The following LMNB2 variants were observed in gnomAD, a reference collection of about 807,000 sequenced individuals.
LMNB2 encodes the protein lamin B2.
A neutral mutation model predicts 69.3 loss-of-function variants in LMNB2; 17 were observed. The observed-to-expected ratio is 0.25, with a 90% CI of 0.17 to 0.37. The LOEUF (loss-of-function observed/expected upper bound fraction) is 0.37, where lower values mean the gene tolerates loss of function less well. LMNB2 is among the 10% of genes least tolerant of loss of function. LMNB2 has a pLI of 1.00. For synonymous variants in LMNB2, 397 were observed against 389.3 expected (o/e 1.02, Z -0.23); for missense variants, 789 against 883.6 (o/e 0.89, Z 1.36).
Position 2,431,804 on chromosome 19 carries a change from G to A in LMNB2, c.1689C>T (p.Val563=), listed in dbSNP as rs1366466514. The A allele has an allele frequency of 1.2e-6, 2 of 1,613,870 alleles. No individual in the cohort carries two copies. The highest frequency in any genetic ancestry group is 1.3e-5 in the African/African-American group (1 of 75,038). ...CCACCTCGCCATCCGCGTTAACCAG[G>A]ACGGTGCGGAAGCTCTCGCCCGTGC... ...SWGTGESFRT[V]LVNADGEEVA... is the part of the protein sequence containing the mutation. Residue 563 remains valine, a synonymous_variant, in exon 10 of 12, where the codon GTC becomes GTT. Coordinates refer to ENST00000325327, the MANE Select transcript of LMNB2 (RefSeq NM_032737.4).
intron 2 of LMNB2, among the ~76,000 whole-genome samples, chr19:2,440,421 C>T (rs1971884664): frequency 6.6e-6 from 1 of 152,152 alleles, no homozygotes; most frequent in Admixed American, 6.6e-5. Flanking sequence ...AACTCCCATC[C>T]TCAAGTGATC....
At chr19:2,441,409 G>A (rs1208194103) in intron 2 of LMNB2, among the ~76,000 whole-genome samples, 1 of 152,240 alleles carries the variant, frequency 6.6e-6, no homozygotes, top group Admixed American at 6.5e-5. Flanking sequence ...CCTGTCCGCA[G>A]CCCTCAGGGA....
At chr19:2,456,257 G>A (rs1972086943) in intron 1 of LMNB2, among the ~76,000 whole-genome samples, 1 of 149,474 alleles carries the variant, frequency 6.7e-6, no homozygotes, top group Non-Finnish European at 1.5e-5. Flanking sequence ...GGGCCTAGCC[G>A]AGCAGCACCC....
Position 2,443,545 on chromosome 19 carries a change from T to G in LMNB2, c.401+859A>C, listed in dbSNP as rs763287807. Among the ~76,000 whole-genome samples, 28 of 152,112 alleles carry G rather than the reference T, an allele frequency of 1.8e-4. No individual in the cohort carries two copies. Among genetic ancestry groups the G allele is most frequent in the Non-Finnish European group, 2.8e-4 (19 of 68,022 alleles). ...CCCTCCATGCTGAGCCAGGCCTGCG[T>G]GGCTCTGGGAGAATGAGCAGTGTGG... On this transcript the variant is annotated intron_variant, in intron 2 of 11. Coordinates refer to ENST00000325327, the MANE Select transcript of LMNB2 (RefSeq NM_032737.4). This position sits in a 1 kb window ranked among gnomAD's most constrained non-coding sequence, Gnocchi z 6.2.
In LMNB2 at chr19:2,435,112, C is replaced by A; in HGVS notation, c.744G>T (p.Arg248=). 1 of 1,608,802 alleles carries A rather than the reference C, an allele frequency of 6.2e-7. No individual in the cohort carries two copies. The highest frequency in any genetic ancestry group is 1.1e-5 in the South Asian group (1 of 91,082). The change falls in exon 5 of 12, where the codon CGG becomes CGT. Residue 248 remains arginine (R), a synonymous_variant. Transcript: ENST00000325327. ...CCATCTTGAAGTCGTACTCCTGCTG[C>A]CGGCTGCTGTCCACCTCCACCAGGC... ...ERRLVEVDSS[R]QQEYDFKMAQ...
chr19:2,452,512 G>A (rs1158767593), intron 1 of LMNB2, among the ~76,000 whole-genome samples: 3 of 151,672 alleles, frequency 2.0e-5, no homozygotes, highest in African/African-American at 7.3e-5. Context: ...CAGATCACAA[G>A]GTCAAGAGAT....
chr19:2,435,224 G>C, intron 4 of LMNB2, 53 bp from the exon 5 acceptor site: 1 of 1,590,818 alleles, frequency 6.3e-7, no homozygotes, highest in East Asian at 2.2e-5. Context: ...CCAAGCACCA[G>C]GCCCAAGGGA....
At chr19:2,454,591 C>T (rs1972068020) in intron 1 of LMNB2, among the ~76,000 whole-genome samples, 1 of 152,088 alleles carries the variant, frequency 6.6e-6, no homozygotes, top group Non-Finnish European at 1.5e-5. Context: ...ATGACCCGAC[C>T]CCCTCAACAA....
chr19:2,450,133 T>G lies in LMNB2; in HGVS notation c.265-5593A>C, dbSNP rs182331040. 2.4e-3 allele frequency among the ~76,000 whole-genome samples: 358 copies of G among 151,602 alleles called. 2 individuals are homozygous for G. Among genetic ancestry groups the G allele is most frequent in the Non-Finnish European group, 3.0e-3 (202 of 67,960 alleles). ...ATATATATATACACATATATATATA[T>G]ATTCCATTAAAACATTACTCATCCC... On this transcript the variant is annotated intron_variant, in intron 1 of 11. Coordinates refer to ENST00000325327, the MANE Select transcript of LMNB2 (RefSeq NM_032737.4).
In LMNB2 at chr19:2,453,459, A is replaced by C. The variant is rs1599343178; in HGVS notation, c.264+3211T>G. On this transcript the variant is annotated intron_variant, in intron 1 of 11. Coordinates refer to ENST00000325327, the MANE Select transcript of LMNB2 (RefSeq NM_032737.4). This position sits in a 1 kb window ranked among gnomAD's most constrained non-coding sequence, Gnocchi z 4.4. ...ATGTGGGCCCACATGACGTCCCCCC[A>C]CCAGCGGCCCCCACCCCAGCAGGCT... Among the ~76,000 whole-genome samples, 5 of 136,968 alleles carry C rather than the reference A, an allele frequency of 3.7e-5. No homozygotes were observed. Among genetic ancestry groups the C allele is most frequent in the East Asian group, 2.1e-4 (1 of 4,670 alleles). The allele number at this position is 136,968 out of a possible 152,430, so 89.9% of individuals were successfully genotyped here.
Position 2,429,991 on chromosome 19 carries a change from A to G in LMNB2, c.*920T>C, listed in dbSNP as rs558181995. 2 of 152,474 alleles carry G rather than the reference A, an allele frequency of 1.3e-5. No homozygotes were observed. Among genetic ancestry groups the G allele is most frequent in the African/African-American group, 4.8e-5 (2 of 41,568 alleles). 9.4% of individuals were successfully genotyped at this position (152,474 alleles called of 1,614,324 possible). ...ACAGTATGGATAGACGCATGTGTAT[A>G]TATAGGCACAGGGCAGACGGAGCTG... On this transcript the variant is annotated 3_prime_UTR_variant, in exon 12 of 12. Coordinates refer to ENST00000325327, the MANE Select transcript of LMNB2 (RefSeq NM_032737.4).
chr19:2,431,063 G>C, intron 11 of LMNB2, 111 bp from the exon 12 acceptor site: 2 of 745,418 alleles, frequency 2.7e-6, no homozygotes, highest in South Asian at 2.8e-5. Context: ...AGCAACAACA[G>C]TGTCTATTTC....
chr19:2,444,978 T>G (rs1971938977), intron 1 of LMNB2, among the ~76,000 whole-genome samples: 2 of 152,200 alleles, frequency 1.3e-5, no homozygotes, highest in African/African-American at 4.8e-5. Flanking sequence ...GCCGCTGTCA[T>G]AGCGACACGA....
chr19:2,449,363 CACACAAGGGGCA>C (rs2145469405), intron 1 of LMNB2, among the ~76,000 whole-genome samples: 1 of 152,342 alleles, frequency 6.6e-6, no homozygotes, highest in African/African-American at 2.4e-5. Flanking sequence ...CTACCATGCC[CACACAAGGGGCA>C]CGTCTCCTAA....
At position 2,437,100 on chromosome 19, in the gene LMNB2, C is replaced by T. The variant is rs371541297; in HGVS notation, c.684+1063G>A. ...GCCAGAGCGGGGCGCAGCTCCTGAG[C>T]GGCCTGGACATCCCTCCACCAGCAG... On this transcript the variant is annotated intron_variant, in intron 4 of 11. Transcript: ENST00000325327. 492 of 153,188 alleles carry T rather than the reference C, an allele frequency of 3.2e-3. 2 individuals are homozygous for T. In the Middle Eastern group the frequency reaches 0.037, roughly 12 times the overall value. The allele number at this position is 153,188 out of a possible 1,614,324, so 9.5% of individuals were successfully genotyped here.
intron 8 of LMNB2, among the ~76,000 whole-genome samples, 165 bp from the exon 9 acceptor site, chr19:2,432,688 G>GCAT (rs1971757558): frequency 2.0e-5 from 3 of 147,422 alleles, no homozygotes; most frequent in Admixed American, 6.8e-5. Flanking sequence ...CCCCTGCCTC[G>GCAT]TCCTGACCGG....
At chr19:2,439,083 T>G (rs1971863093) in intron 2 of LMNB2, among the ~76,000 whole-genome samples, 1 of 141,540 alleles carries the variant, frequency 7.1e-6, no homozygotes, top group Non-Finnish European at 1.5e-5. Context: ...AGGGGTTCAC[T>G]TGTTTGCACA....
chr19:2,430,557 C>T lies in LMNB2; in HGVS notation c.*354G>A, dbSNP rs1477861416. 5.2e-6 allele frequency: 2 copies of T among 387,200 alleles called. No individual in the cohort carries two copies. The highest frequency in any genetic ancestry group is 5.9e-5 in the East Asian group (1 of 17,090). The allele number at this position is 387,200 out of a possible 1,614,324, so 24.0% of individuals were successfully genotyped here. On this transcript the variant is annotated 3_prime_UTR_variant, in exon 12 of 12. Transcript: ENST00000325327. ...GAATTCCTACGCAGTTTCCGCGCTC[C>T]GTCCGCAGCAGGGCCGTCTCCTGTC...
rs1460959483 is a variant in LMNB2, at chr19:2,431,858, C to T, written c.1635G>A (p.Thr545=). Residue 545 remains threonine (T), a synonymous_variant, in exon 10 of 12, where the codon ACG becomes ACA. Coordinates refer to ENST00000325327, the MANE Select transcript of LMNB2 (RefSeq NM_032737.4). ...GAGVAHSPPS[T]LVWKGQSSWG... is the part of the protein sequence containing the mutation. Reference sequence around the variant, plus strand: ...AGCTGCTCTGGCCCTTCCACACCAGCGTCGAGGGGGGGCTGTGGGCCACCC... The same window carrying T: ...AGCTGCTCTGGCCCTTCCACACCAGTGTCGAGGGGGGGCTGTGGGCCACCC... 20 of 1,613,160 alleles carry T rather than the reference C, an allele frequency of 1.2e-5. No homozygotes were observed. The highest frequency in any genetic ancestry group is 2.2e-5 in the East Asian group (1 of 44,874).
Sources: allele counts gnomAD v4.1 joint callset (sites outside exome capture counted in the v4.1 genomes callset), GRCh38; gene constraint gnomAD v4.1.1; non-coding constraint Gnocchi (gnomAD v3.1); transcripts MANE v1.5; gene names NCBI Gene and HGNC (gene_info 2026-07-23, HGNC 2026-07-21).